NADK: variants seen among roughly 807,000 people sequenced by gnomAD.
The protein encoded by NADK is poly(P)/ATP NAD kinase.
Under a neutral mutation model 49.8 loss-of-function variants are expected in NADK, and 22 were observed. The observed-to-expected ratio is 0.44, with a 90% confidence interval of 0.32 to 0.63. NADK has a LOEUF of 0.63. NADK is among the 30% of genes least tolerant of loss of function. The probability of loss-of-function intolerance (pLI) is 0.06; values close to 1 mark genes in which losing one functional copy is unlikely to be tolerated. For missense variants in NADK, 438 were observed against 609.4 expected, an observed-to-expected ratio of 0.72 and a Z score of 2.96; for synonymous variants, 268 against 253.7, an observed-to-expected ratio of 1.06 and a Z score of -0.54.
At chr1:1,758,687 A>ACC in intron 3 of NADK, 4 of 1,388,772 alleles carry the variant, frequency 2.9e-6, no homozygotes, top group Non-Finnish European at 3.7e-6. Context: ...AACAAAACAA[A>ACC]ACAGTTTCCT....
chr1:1,756,949 T>C, intron 4 of NADK: 1 of 841,136 alleles, frequency 1.2e-6, no homozygotes, highest in South Asian at 1.4e-5. Flanking sequence ...CTTCCCGGCC[T>C]CCAGGGCCAC....
At chr1:1,761,756 C>A (rs945796417) in intron 3 of NADK, 196 bp downstream of exon 3, 9 of 536,204 alleles carry the variant, frequency 1.7e-5, no homozygotes, top group Non-Finnish European at 2.0e-5. Context: ...AGGGAGGACG[C>A]CCATGTGGCT....
chr1:1,768,757 C>T (rs1186858924), intron 1 of NADK, among the ~76,000 whole-genome samples: 3 of 152,142 alleles, frequency 2.0e-5, no homozygotes, highest in African/African-American at 7.2e-5. Flanking sequence ...GTTGTTTACC[C>T]GCCCCCTGCC....
At chr1:1,770,560 G>A (rs183726343) in intron 1 of NADK, among the ~76,000 whole-genome samples, 14 of 152,230 alleles carry the variant, frequency 9.2e-5, no homozygotes, top group Non-Finnish European at 1.3e-4. Flanking sequence ...GTGAAACTCT[G>A]TCTCTACTAA....
upstream of NADK, chr1:1,780,447 G>A (rs1364054224): frequency 1.3e-5 from 2 of 152,204 alleles, no homozygotes; most frequent in Non-Finnish European, 2.9e-5. Context: ...CCCGTCTGTG[G>A]CATGAAAACC....
Position 1,752,802 on chromosome 1 carries a change from C to T in NADK, c.*102G>A, listed in dbSNP as rs1297880485. ...AACCCAGCTACAGAAAGGAAGTGGC[C>T]GTGCCACTGAGACAGGCGGTCACAG... On this transcript the variant is annotated 3_prime_UTR_variant, in exon 12 of 12. Coordinates refer to ENST00000341426, the MANE Select transcript of NADK (RefSeq NM_023018.5). The T allele has an allele frequency of 4.4e-6, 6 of 1,357,234 alleles. No individual in the cohort carries two copies. The highest frequency in any genetic ancestry group is 6.1e-6 in the Non-Finnish European group (6 of 985,302). 84.1% of individuals were successfully genotyped at this position (1,357,234 alleles called of 1,614,324 possible).
intron 3 of NADK, chr1:1,758,546 C>G: frequency 6.3e-7 from 1 of 1,583,924 alleles, no homozygotes; most frequent in East Asian, 2.3e-5. Context: ...ATGGTCCTGA[C>G]TGTGCGCCCA....
Position 1,759,357 on chromosome 1 carries a change from G to A in NADK, c.264-2047C>T, listed in dbSNP as rs377183848. The A allele has an allele frequency of 1.1e-4, 156 of 1,360,626 alleles. 2 individuals are homozygous for A. The East Asian group carries it at 2.7e-3, about 23-fold the overall frequency. 84.3% of individuals were successfully genotyped at this position (1,360,626 alleles called of 1,614,324 possible). ...CACACGGCTGTGGGTACTGCACGGA[G>A]AGGGCAGGGGGTGGCGTGAAGCCAG... On this transcript the variant is annotated intron_variant, in intron 3 of 11. Transcript: ENST00000341426.
At chr1:1,770,587 C>G (rs1333466376) in intron 1 of NADK, among the ~76,000 whole-genome samples, 3 of 151,956 alleles carry the variant, frequency 2.0e-5, no homozygotes, top group Admixed American at 6.6e-5. Flanking sequence ...AAAAAATTAG[C>G]CGGGCATGGT....
In NADK at chr1:1,757,990, C is replaced by A. The variant is rs1456210186; in HGVS notation, c.264-680G>T. On this transcript the variant is annotated intron_variant, in intron 3 of 11. Coordinates refer to ENST00000341426, the MANE Select transcript of NADK (RefSeq NM_023018.5). ...GGTGTTTCTCCACAGGCAGGGCCCA[C>A]CCCGGTGGGATTCCCATTACCACGT... Among the ~76,000 whole-genome samples, 4 of 152,214 alleles carry A rather than the reference C, an allele frequency of 2.6e-5. No individual in the cohort carries two copies. In the East Asian group the frequency reaches 7.7e-4, roughly 29 times the overall value.
At chr1:1,755,210 T>G (rs1645475158) in intron 7 of NADK, among the ~76,000 whole-genome samples, 164 bp downstream of exon 7, 1 of 152,160 alleles carries the variant, frequency 6.6e-6, no homozygotes, top group Non-Finnish European at 1.5e-5. Flanking sequence ...AACTTCTCAG[T>G]GTCAGTAAAA....
At chr1:1,777,572 C>T (rs555608701) in intron 1 of NADK, among the ~76,000 whole-genome samples, 28 of 149,620 alleles carry the variant, frequency 1.9e-4, no homozygotes, top group Non-Finnish European at 3.3e-4. Context: ...TAACTTGTTA[C>T]TCGGAATCGA....
chr1:1,765,628 T>C (rs1321046954), intron 1 of NADK, among the ~76,000 whole-genome samples, 182 bp from the exon 2 acceptor site: 2 of 152,254 alleles, frequency 1.3e-5, no homozygotes, highest in African/African-American at 2.4e-5. Context: ...CTCTAGGTTT[T>C]TGGCTGGGTG....
intron 1 of NADK, among the ~76,000 whole-genome samples, chr1:1,773,816 C>A (rs1347962857): frequency 1.3e-5 from 2 of 151,734 alleles, no homozygotes; most frequent in African/African-American, 4.8e-5. Flanking sequence ...GGTGCAATTA[C>A]AGCTTACTGC....
intron 1 of NADK, among the ~76,000 whole-genome samples, chr1:1,768,028 G>A (rs927711248): frequency 1.2e-4 from 18 of 152,038 alleles, no homozygotes; most frequent in Admixed American, 2.0e-4. Flanking sequence ...AAAATTAGCC[G>A]GGCGTGGTGG....
chr1:1,758,506 G>T (rs754258786), intron 3 of NADK: 2 of 1,610,516 alleles, frequency 1.2e-6, no homozygotes, highest in Non-Finnish European at 8.5e-7. Context: ...TCCAGGCCAC[G>T]CTTGGCGAAC....
intron 6 of NADK, 35 bp from the exon 7 acceptor site, chr1:1,755,511 G>A (rs746478586): frequency 9.2e-6 from 14 of 1,520,012 alleles, no homozygotes; most frequent in Admixed American, 3.3e-5. Flanking sequence ...CAGTGCCCAC[G>A]CCGTGCACCC....
chr1:1,769,952 C>A (rs1193958861), intron 1 of NADK, among the ~76,000 whole-genome samples: 1 of 151,342 alleles, frequency 6.6e-6, no homozygotes, highest in African/African-American at 2.4e-5. Context: ...GTGGCTCTTG[C>A]CTGTAATCCC....
At chr1:1,762,706 G>A (rs1162311159) in intron 2 of NADK, among the ~76,000 whole-genome samples, 2 of 152,194 alleles carry the variant, frequency 1.3e-5, no homozygotes, top group Admixed American at 6.5e-5. Flanking sequence ...GCAGTGAGCC[G>A]AGATCGAGCC....
Sources: allele counts gnomAD v4.1 joint callset (sites outside exome capture counted in the v4.1 genomes callset), GRCh38; gene constraint gnomAD v4.1.1; transcripts MANE v1.5; gene names NCBI Gene and HGNC (gene_info 2026-07-23, HGNC 2026-07-21).